The following ARL15 variants were observed in gnomAD, a reference collection of about 807,000 sequenced individuals.
The protein encoded by ARL15 is ARF like GTPase 15.
In ARL15, 19 loss-of-function variants were observed where a neutral mutation model predicts 25.2. The observed-to-expected ratio is 0.75, with a 90% confidence interval of 0.53 to 1.10. The LOEUF (loss-of-function observed/expected upper bound fraction) is 1.10. ARL15 is among the 50% of genes least tolerant of loss of function. ARL15 has a pLI of 0.00. For synonymous variants in ARL15, 94 were observed against 86.8 expected (o/e 1.08, Z -0.46); for missense variants, 220 against 246.0 (o/e 0.89, Z 0.71).
chr5:53,910,673 A>AT lies in ARL15; in HGVS notation c.463-23961_463-23960insA, dbSNP rs1491571617. ...TATATATATATATATATATATATATAAAGAAAACGTCTTCTTAGAATTATG... is the reference window on the plus strand; with the variant it reads ...TATATATATATATATATATATATATATAAGAAAACGTCTTCTTAGAATTATG... On this transcript the variant is annotated intron_variant, in intron 4 of 4. Transcript: ENST00000504924. Among the ~76,000 whole-genome samples, 44 of 139,534 alleles carry AT rather than the reference A, an allele frequency of 3.2e-4. 1 individual carries two copies. The highest frequency in any genetic ancestry group is 7.7e-4 in the African/African-American group (29 of 37,576). 91.5% of individuals were successfully genotyped at this position (139,534 alleles called of 152,430 possible).
intron 1 of ARL15, among the ~76,000 whole-genome samples, chr5:54,293,191 A>T (rs927029545): frequency 1.4e-4 from 21 of 152,094 alleles, no homozygotes; most frequent in Non-Finnish European, 2.6e-4. Flanking sequence ...TGCAACTATG[A>T]TTCTGTTGGA....
intron 4 of ARL15, among the ~76,000 whole-genome samples, chr5:53,917,910 T>C (rs766297673): frequency 1.3e-5 from 2 of 152,160 alleles, no homozygotes; most frequent in African/African-American, 2.4e-5. Flanking sequence ...TTTTGGTAAA[T>C]AGACACAAGG....
intron 4 of ARL15, among the ~76,000 whole-genome samples, chr5:53,887,048 G>A (rs969391263): frequency 1.3e-5 from 2 of 152,072 alleles, no homozygotes; most frequent in African/African-American, 4.8e-5. Context: ...CAAAAGATTC[G>A]ATTTCATCAA....
chr5:54,124,616 A>G (rs1230251820), intron 3 of ARL15, among the ~76,000 whole-genome samples: 1 of 152,236 alleles, frequency 6.6e-6, no homozygotes, highest in Non-Finnish European at 1.5e-5. Flanking sequence ...AGTCTTAGCA[A>G]AAATCAATCT....
At chr5:54,116,120 C>A (rs924889713) in intron 3 of ARL15, among the ~76,000 whole-genome samples, 1 of 152,196 alleles carries the variant, frequency 6.6e-6, no homozygotes, top group Admixed American at 6.5e-5. Flanking sequence ...GGGAGCTGAG[C>A]TATTACACCC....
chr5:53,916,293 T>TCA (rs5867901), intron 4 of ARL15, among the ~76,000 whole-genome samples: 102 of 141,950 alleles, frequency 7.2e-4, no homozygotes, highest in African/African-American at 2.5e-3. Flanking sequence ...AATGTAATAT[T>TCA]AAAAAAAAAA....
intron 4 of ARL15, among the ~76,000 whole-genome samples, chr5:53,978,855 C>A (rs2111577737): frequency 6.6e-6 from 1 of 152,032 alleles, no homozygotes; most frequent in Non-Finnish European, 1.5e-5. Context: ...ATACTTTTCA[C>A]AAAGGGAATG....
intron 3 of ARL15, among the ~76,000 whole-genome samples, chr5:54,129,241 C>T (rs1753359989): frequency 6.6e-6 from 1 of 152,070 alleles, no homozygotes; most frequent in Non-Finnish European, 1.5e-5. Flanking sequence ...AAATTAAGAA[C>T]CATGGGACAG....
intron 1 of ARL15, among the ~76,000 whole-genome samples, chr5:54,217,822 T>TA (rs1244273708): frequency 6.6e-6 from 1 of 152,156 alleles, no homozygotes; most frequent in African/African-American, 2.4e-5. Context: ...CAAATATAAT[T>TA]AAAAATCGGT....
At chr5:54,184,449 A>T (rs967665336) in intron 1 of ARL15, among the ~76,000 whole-genome samples, 1 of 74,832 alleles carries the variant, frequency 1.3e-5, no homozygotes, top group Non-Finnish European at 2.7e-5. Context: ...TAAAAAAAAA[A>T]AAAAAAAAAA....
chr5:54,111,750 A>C (rs13354200), intron 4 of ARL15, among the ~76,000 whole-genome samples: 36,961 of 151,992 alleles, frequency 0.24, 5,105 homozygotes, highest in African/African-American at 0.38. Flanking sequence ...TACATATTAC[A>C]AGATTTTTTA....
intron 4 of ARL15, among the ~76,000 whole-genome samples, chr5:53,919,427 A>G (rs1745771442): frequency 6.6e-6 from 1 of 152,208 alleles, no homozygotes; most frequent in South Asian, 2.1e-4. Context: ...AAGGGAACTC[A>G]CACTCCAGTG....
chr5:54,124,319 T>C (rs1321062111), intron 3 of ARL15, among the ~76,000 whole-genome samples: 1 of 152,252 alleles, frequency 6.6e-6, no homozygotes, highest in Non-Finnish European at 1.5e-5. Flanking sequence ...TATAAAAGTA[T>C]GTTAATCTGC....
rs572435484 is a variant in ARL15 at position 54,180,210 on chromosome 5, T to C, written c.49-8282A>G. On this transcript the variant is annotated intron_variant, in intron 1 of 4. Transcript: ENST00000504924. ...ATAAATAAGCAAATACTAAATAAAA[T>C]ATGTTGGAGGAGAGTATAGGAGGAA... 1.7e-4 allele frequency among the ~76,000 whole-genome samples: 26 copies of C among 152,050 alleles called. No homozygotes were observed. The South Asian group carries it at 5.2e-3, about 30-fold the overall frequency.
intron 4 of ARL15, among the ~76,000 whole-genome samples, chr5:54,083,861 T>C (rs1377833228): frequency 6.6e-6 from 1 of 152,222 alleles, no homozygotes; most frequent in Non-Finnish European, 1.5e-5. Context: ...GGTTTATCAC[T>C]GATGAGTTGT....
At chr5:54,062,517 G>GAAAAAAA (rs71577097) in intron 4 of ARL15, among the ~76,000 whole-genome samples, 4 of 113,496 alleles carry the variant, frequency 3.5e-5, no homozygotes, top group Non-Finnish European at 5.6e-5. Flanking sequence ...GGTGGTTAAG[G>GAAAAAAA]AAAAAAAAAA....
At chr5:54,242,560 C>A (rs1189387890) in intron 1 of ARL15, among the ~76,000 whole-genome samples, 1 of 152,182 alleles carries the variant, frequency 6.6e-6, no homozygotes, top group Non-Finnish European at 1.5e-5. Flanking sequence ...AATAAGACTT[C>A]TGTTGAAACT....
At chr5:53,901,915 G>C (rs1745079401) in intron 4 of ARL15, among the ~76,000 whole-genome samples, 1 of 152,124 alleles carries the variant, frequency 6.6e-6, no homozygotes, top group Non-Finnish European at 1.5e-5. Flanking sequence ...TTATGCTTTT[G>C]TGTTACAGAA....
chr5:54,090,400 T>C (rs1368168331), intron 4 of ARL15, among the ~76,000 whole-genome samples: 1 of 151,100 alleles, frequency 6.6e-6, no homozygotes, highest in East Asian at 1.9e-4. Flanking sequence ...TGGAGATGTA[T>C]ATATGGGTGG....
Sources: allele counts gnomAD v4.1 joint callset (sites outside exome capture counted in the v4.1 genomes callset), GRCh38; gene constraint gnomAD v4.1.1; transcripts MANE v1.5; gene names NCBI Gene and HGNC (gene_info 2026-07-23, HGNC 2026-07-21).